Variants in RELT observed in about 807,000 individuals in gnomAD.
The protein encoded by RELT is tumor necrosis factor receptor superfamily member 19L.
Under a neutral mutation model 51.1 loss-of-function variants are expected in RELT, and 37 were observed. The observed-to-expected ratio is 0.72, with a 90% CI of 0.56 to 0.95. The LOEUF (loss-of-function observed/expected upper bound fraction) is 0.95. RELT is among the 40% of genes least tolerant of loss of function. The pLI, the probability that RELT is intolerant of heterozygous loss-of-function variation, is 0.00. For synonymous variants in RELT, 241 were observed against 235.7 expected (o/e 1.02, Z -0.21); for missense variants, 535 against 572.6 (o/e 0.93, Z 0.67).
intron 1 of RELT, among the ~76,000 whole-genome samples, chr11:73,378,985 G>C (rs976412606): frequency 6.6e-6 from 1 of 152,188 alleles, no homozygotes; most frequent in Non-Finnish European, 1.5e-5. Context: ...TTATGGTGGG[G>C]AGCAGACAGG....
chr11:73,392,577 G>A (rs111549705), intron 6 of RELT, 109 bp downstream of exon 6: 31,255 of 1,460,140 alleles, frequency 0.021, 399 homozygotes, highest in Middle Eastern at 0.037. Context: ...GTCTGAGAGG[G>A]AGAGGCTTGG....
At chr11:73,389,262 C>A (rs1866173725) in intron 2 of RELT, 81 bp downstream of exon 2, 2 of 964,998 alleles carry the variant, frequency 2.1e-6, no homozygotes, top group East Asian at 6.1e-5. Context: ...TGCAGACACT[C>A]CCGGGGAACC....
chr11:73,395,585 C>T lies in RELT; in HGVS notation c.*94C>T, dbSNP rs1474362955. 3.9e-6 allele frequency: 3 copies of T among 770,914 alleles called. No homozygotes were observed. The highest frequency in any genetic ancestry group is 2.7e-5 in the South Asian group (2 of 73,936). 47.8% of individuals were successfully genotyped at this position (770,914 alleles called of 1,614,324 possible). A position where few individuals can be genotyped will look rare whatever the true frequency, so the allele number is the denominator to read the frequency against. ...GAGCTGCAGCTGGGACTGTGAGGAC[C>T]GAGAAGCAATGGCCCAGCAGACGAG... On this transcript the variant is annotated 3_prime_UTR_variant, in exon 11 of 11. Coordinates refer to ENST00000064780, the MANE Select transcript of RELT (RefSeq NM_152222.2).
Position 73,393,850 on chromosome 11 carries a change from C to G in RELT, c.639C>G (p.Ala213=), listed in dbSNP as rs1473630228. The part of the protein sequence containing the change: ...PGGGGSGINP[A]YRTEDANEDT... ...TCTCTTCCCCAGGAATCAACCCTGC[C>G]TACCGGACTGAGGATGCCAATGAGG... Residue 213 remains alanine, a synonymous_variant, in exon 7 of 11, where the codon GCC becomes GCG. Transcript: ENST00000064780. 6.2e-7 allele frequency: 1 copy of G among 1,613,966 alleles called. No homozygotes were observed. The highest frequency in any genetic ancestry group is 8.5e-7 in the Non-Finnish European group (1 of 1,179,970).
At chr11:73,377,269 A>AGTGTGTGTGGGTGTGTGTGTGTGT (rs1865982800) in intron 1 of RELT, among the ~76,000 whole-genome samples, 1 of 146,086 alleles carries the variant, frequency 6.8e-6, no homozygotes, top group Admixed American at 6.7e-5. Flanking sequence ...AAGTGGTGTC[A>AGTGTGTGTGGGTGTGTGTGTGTGT]GTGTGTGTGT....
In RELT at chr11:73,397,407, G is replaced by GC. The variant is rs1866336773; in HGVS notation, c.*1917dup. 1.3e-5 allele frequency: 2 copies of GC among 152,260 alleles called. No homozygotes were observed. The highest frequency in any genetic ancestry group is 1.3e-4 in the Admixed American group (2 of 15,288). The allele number at this position is 152,260 out of a possible 1,614,324, so 9.4% of individuals were successfully genotyped here. ...AAGCTTCCAACCCGGCCCAAGGGCC[G>GC]CATGTGGCCCAGGATATGGCTTTGA... On this transcript the variant is annotated 3_prime_UTR_variant, in exon 11 of 11. Coordinates refer to ENST00000064780, the MANE Select transcript of RELT (RefSeq NM_152222.2).
chr11:73,380,035 G>A (rs774091804), intron 1 of RELT, among the ~76,000 whole-genome samples: 1 of 152,158 alleles, frequency 6.6e-6, no homozygotes, highest in Non-Finnish European at 1.5e-5. Context: ...AGCCCTCCTG[G>A]CCCGAAATTA....
chr11:73,396,186 C>T lies in RELT; in HGVS notation c.*695C>T, dbSNP rs914868334. The T allele has an allele frequency of 6.5e-6, 1 of 152,850 alleles. No homozygotes were observed. Among genetic ancestry groups the T allele is most frequent in the South Asian group, 2.1e-4 (1 of 4,836 alleles). 9.5% of individuals were successfully genotyped at this position (152,850 alleles called of 1,614,324 possible). ...GCCCCGTTTTTGCTGCTTCCAGGGC[C>T]TCTGCCTTCAAGGCCCCCATGGGGC... is the stretch of plus-strand genomic sequence containing the variant. On this transcript the variant is annotated 3_prime_UTR_variant, in exon 11 of 11. Transcript: ENST00000064780.
intron 1 of RELT, among the ~76,000 whole-genome samples, chr11:73,384,940 C>G (rs532932684): frequency 6.6e-6 from 1 of 151,680 alleles, no homozygotes; most frequent in South Asian, 2.1e-4. Context: ...GCTGGCCAAG[C>G]GATGAGGGGA....
At chr11:73,391,329 C>A in intron 5 of RELT, 106 bp downstream of exon 5, 1 of 1,039,044 alleles carries the variant, frequency 9.6e-7, no homozygotes, top group South Asian at 1.6e-5. Context: ...GCAGTGGGGT[C>A]CTTCTTCCAG....
chr11:73,391,335 TCCAGC>T (rs2134451609), intron 5 of RELT, 112 bp downstream of exon 5: 1 of 963,058 alleles, frequency 1.0e-6, no homozygotes, highest in African/African-American at 1.7e-5. Context: ...GGGTCCTTCT[TCCAGC>T]CCAGGGCAGG....
intron 1 of RELT, among the ~76,000 whole-genome samples, chr11:73,386,285 G>A (rs547881549): frequency 6.6e-6 from 1 of 152,170 alleles, no homozygotes; most frequent in Non-Finnish European, 1.5e-5. Context: ...GTCAGGCATC[G>A]GAGGCTCTGG....
chr11:73,393,270 T>C, intron 6 of RELT: 1 of 1,014,744 alleles, frequency 9.9e-7, no homozygotes, highest in Non-Finnish European at 1.2e-6. Context: ...CTTGTTTTCC[T>C]AGAGACTTCC....
At chr11:73,391,312 T>C in intron 5 of RELT, 89 bp downstream of exon 5, 2 of 1,213,578 alleles carry the variant, frequency 1.6e-6, no homozygotes, top group East Asian at 2.5e-5. Context: ...GCAGTGTTCA[T>C]GTGGGGGCAG....
Position 73,392,341 on chromosome 11 carries a change from C to G in RELT, c.498C>G (p.Ile166Met). The G allele has an allele frequency of 1.2e-6, 2 of 1,613,772 alleles. No homozygotes were observed. Among genetic ancestry groups the G allele is most frequent in the Non-Finnish European group, 1.7e-6 (2 of 1,179,930 alleles). Residue 166 changes from isoleucine to methionine, a missense_variant, in exon 6 of 11, where the codon ATC becomes ATG. Ile to Met is a conservative substitution (Grantham distance 10). Transcript: ENST00000064780. Reference sequence around the variant, plus strand: ...AGACAGCCGCCCAGTACGCGGTCATCGCCATCGTCCCTGTCTTCTGCCTCA... The same window carrying G: ...AGACAGCCGCCCAGTACGCGGTCATGGCCATCGTCCCTGTCTTCTGCCTCA... ...PEETAAQYAV[I>M]AIVPVFCLMG...
intron 1 of RELT, among the ~76,000 whole-genome samples, chr11:73,383,932 G>A (rs185344015): frequency 2.0e-5 from 3 of 152,316 alleles, no homozygotes; most frequent in Admixed American, 2.0e-4. Flanking sequence ...GTTGATGGGT[G>A]GCCTTTGTCT....
chr11:73,390,787 C>T lies in RELT; in HGVS notation c.153C>T (p.Cys51=), dbSNP rs201819099. The T allele has an allele frequency of 9.9e-6, 16 of 1,610,150 alleles. No homozygotes were observed. In the East Asian group the frequency reaches 3.3e-4, roughly 34 times the overall value. ...GGCAGGGCACATTATGCAGGCCCTG[C>T]CCCCCAGGCACCTTCTCAGCTGCAT... ...DPGQGTLCRP[C]PPGTFSAAWG... The change falls in exon 4 of 11, where the codon TGC becomes TGT. Residue 51 remains cysteine (C), a synonymous_variant. Coordinates refer to ENST00000064780, the MANE Select transcript of RELT (RefSeq NM_152222.2).
rs1866211735 is a variant in RELT, at chr11:73,391,300, C to G, written c.367+77C>G. On this transcript the variant is annotated intron_variant, in intron 5 of 10. Coordinates refer to ENST00000064780, the MANE Select transcript of RELT (RefSeq NM_152222.2). Reference sequence around the variant, plus strand: ...CCAGTGAGTTGGAGCCCAGCAGCCTCTGCAGTGTTCATGTGGGGGCAGTGG... The same window carrying G: ...CCAGTGAGTTGGAGCCCAGCAGCCTGTGCAGTGTTCATGTGGGGGCAGTGG... 11 of 1,350,772 alleles carry G rather than the reference C, an allele frequency of 8.1e-6. No homozygotes were observed. In the South Asian group the frequency reaches 1.3e-4, roughly 16 times the overall value. 83.7% of individuals were successfully genotyped at this position (1,350,772 alleles called of 1,614,324 possible).
At chr11:73,386,045 T>G (rs1866118130) in intron 1 of RELT, among the ~76,000 whole-genome samples, 1 of 152,014 alleles carries the variant, frequency 6.6e-6, no homozygotes, top group Non-Finnish European at 1.5e-5. Context: ...AAAACAGAAA[T>G]TCCCCAAAAA....
Sources: allele counts gnomAD v4.1 joint callset (sites outside exome capture counted in the v4.1 genomes callset), GRCh38; gene constraint gnomAD v4.1.1; transcripts MANE v1.5; gene names NCBI Gene and HGNC (gene_info 2026-07-23, HGNC 2026-07-21).